SLC1A3: variants seen among roughly 807,000 people sequenced by gnomAD.
SLC1A3 encodes the protein solute carrier family 1 member 3.
Under a neutral mutation model 48.1 loss-of-function variants are expected in SLC1A3, and 21 were observed. The observed-to-expected ratio is 0.44, with a 90% CI of 0.31 to 0.63. The LOEUF (loss-of-function observed/expected upper bound fraction) is 0.63. SLC1A3 is among the 20% of genes least tolerant of loss of function. The probability of loss-of-function intolerance (pLI) is 0.08; values close to 1 mark genes in which losing one functional copy is unlikely to be tolerated. For missense variants in SLC1A3, 546 were observed against 689.0 expected, an observed-to-expected ratio of 0.79 and a Z score of 2.32; for synonymous variants, 239 against 251.4, an observed-to-expected ratio of 0.95 and a Z score of 0.47.
At chr5:36,629,665 CT>C in intron 3 of SLC1A3, 78 bp downstream of exon 3, 1 of 1,248,430 alleles carries the variant, frequency 8.0e-7, no homozygotes, top group Non-Finnish European at 1.2e-6. Context: ...AAAGCCAGTG[CT>C]TTAGGTTTCT....
chr5:36,637,479 T>C (rs958396024), intron 3 of SLC1A3, among the ~76,000 whole-genome samples: 2 of 152,162 alleles, frequency 1.3e-5, no homozygotes, highest in African/African-American at 4.8e-5. Flanking sequence ...GAGCCAGAGA[T>C]TTTGATCAGT....
chr5:36,685,521 C>T (rs926048485), intron 9 of SLC1A3, among the ~76,000 whole-genome samples: 5 of 152,228 alleles, frequency 3.3e-5, no homozygotes, highest in Admixed American at 6.5e-5. Context: ...GGTGAACCAC[C>T]TGCCTTGGCC....
chr5:36,631,442 T>C (rs1740130028), intron 3 of SLC1A3, among the ~76,000 whole-genome samples: 1 of 152,174 alleles, frequency 6.6e-6, no homozygotes, highest in South Asian at 2.1e-4. Context: ...AATACTATGA[T>C]GCAATCCCTT....
chr5:36,612,085 GCACACA>G (rs144428325), intron 2 of SLC1A3, among the ~76,000 whole-genome samples: 306 of 147,970 alleles, frequency 2.1e-3, no homozygotes, highest in Non-Finnish European at 3.1e-3. Flanking sequence ...ACACACACAC[GCACACA>G]CACACACACA....
chr5:36,660,628 A>G (rs537944464), intron 3 of SLC1A3, among the ~76,000 whole-genome samples: 16 of 152,352 alleles, frequency 1.1e-4, no homozygotes, highest in Admixed American at 3.9e-4. Flanking sequence ...AAGCCGACCA[A>G]TTCTAGAGTT....
intron 3 of SLC1A3, among the ~76,000 whole-genome samples, chr5:36,640,883 A>C (rs1740591709): frequency 6.6e-6 from 1 of 151,968 alleles, no homozygotes; most frequent in East Asian, 1.9e-4. Context: ...TTTATAGCAG[A>C]TATTTTATTA....
intron 3 of SLC1A3, among the ~76,000 whole-genome samples, chr5:36,649,931 G>A (rs143144863): frequency 1.2e-3 from 181 of 152,294 alleles, no homozygotes; most frequent in African/African-American, 4.0e-3. Flanking sequence ...ATCACTGTGT[G>A]AGTTTTCCAA....
At chr5:36,654,432 C>T (rs1741208808) in intron 3 of SLC1A3, among the ~76,000 whole-genome samples, 1 of 152,076 alleles carries the variant, frequency 6.6e-6, no homozygotes, top group Admixed American at 6.5e-5. Context: ...TTTACCTTTC[C>T]CCCCATTCGA....
intron 2 of SLC1A3, among the ~76,000 whole-genome samples, chr5:36,628,091 C>T (rs1739983647): frequency 6.6e-6 from 1 of 152,142 alleles, no homozygotes; most frequent in African/African-American, 2.4e-5. Flanking sequence ...TTTTCCAATT[C>T]AACTTTTCTC....
rs1739340983 is a variant in SLC1A3, at chr5:36,614,362, A to G, written c.181+5758A>G. On this transcript the variant is annotated intron_variant, in intron 2 of 9. Coordinates refer to ENST00000265113, the MANE Select transcript of SLC1A3 (RefSeq NM_004172.5). ...TTGGGGAGGCTGGGGGGCAGAAGAT[A>G]CTCACCTGGTTTTGGTTTAGAAGTG... 2.6e-5 allele frequency among the ~76,000 whole-genome samples: 4 copies of G among 152,080 alleles called. No homozygotes were observed. In the South Asian group the frequency reaches 8.3e-4, roughly 32 times the overall value.
intron 6 of SLC1A3, 88 bp downstream of exon 6, chr5:36,677,272 C>G: frequency 8.7e-7 from 1 of 1,151,096 alleles, no homozygotes. Context: ...TGCCACGAGG[C>G]AGGATGGCCA....
chr5:36,644,760 AG>A (rs1740767210), intron 3 of SLC1A3, among the ~76,000 whole-genome samples: 1 of 152,328 alleles, frequency 6.6e-6, no homozygotes, highest in African/African-American at 2.4e-5. Flanking sequence ...TTACTTTCTA[AG>A]ATGAGTAATA....
chr5:36,612,862 C>A (rs184523453), intron 2 of SLC1A3: 3 of 455,790 alleles, frequency 6.6e-6, no homozygotes, highest in Admixed American at 2.4e-5. Context: ...TGCTATAACA[C>A]CCATTCTGGC....
In SLC1A3 at chr5:36,686,457, T is replaced by C. The variant is rs1402454484; in HGVS notation, c.*188T>C. On this transcript the variant is annotated 3_prime_UTR_variant, in exon 10 of 10. Coordinates refer to ENST00000265113, the MANE Select transcript of SLC1A3 (RefSeq NM_004172.5). ...GGGTGGCCAAAGTGTACAATTTTCATCCCACAATTGAAATTTTTAAATCAT... is the reference window on the plus strand; with the variant it reads ...GGGTGGCCAAAGTGTACAATTTTCACCCCACAATTGAAATTTTTAAATCAT... The C allele has an allele frequency of 3.3e-6, 2 of 608,010 alleles. No homozygotes were observed. Among genetic ancestry groups the C allele is most frequent in the Middle Eastern group, 4.4e-4 (1 of 2,292 alleles). The allele number at this position is 608,010 out of a possible 1,614,324, so 37.7% of individuals were successfully genotyped here.
chr5:36,683,442 C>T (rs2111981003), intron 8 of SLC1A3, among the ~76,000 whole-genome samples: 3 of 151,960 alleles, frequency 2.0e-5, no homozygotes, highest in Middle Eastern at 3.4e-3. Flanking sequence ...GGCATGATGG[C>T]TCATGCCGGT....
chr5:36,683,364 A>G (rs1022996906), intron 8 of SLC1A3, among the ~76,000 whole-genome samples: 1 of 152,192 alleles, frequency 6.6e-6, no homozygotes, highest in African/African-American at 2.4e-5. Flanking sequence ...CATAGTAAGC[A>G]CATGATAAAT....
chr5:36,626,032 A>G (rs990499581), intron 2 of SLC1A3, among the ~76,000 whole-genome samples: 1 of 152,194 alleles, frequency 6.6e-6, no homozygotes, highest in East Asian at 1.9e-4. Flanking sequence ...TCATTCACAC[A>G]TTACCCAGAA....
chr5:36,613,932 T>TACCCACAGCACACATGC (rs1554038959), intron 2 of SLC1A3, among the ~76,000 whole-genome samples: 1 of 152,144 alleles, frequency 6.6e-6, no homozygotes, highest in East Asian at 1.9e-4. Flanking sequence ...ATAACACATG[T>TACCCACAGCACACATGC]ACCCACAGCA....
rs1438855798 is a variant in SLC1A3 at position 36,687,236 on chromosome 5, T to G, written c.*967T>G. On this transcript the variant is annotated 3_prime_UTR_variant, in exon 10 of 10. Transcript: ENST00000265113. ...AGAATGTCTCCTGCCACTCCTCAAC[T>G]GATGATAGACTTCGAAAACAGATGA... 3 of 152,146 alleles carry G rather than the reference T, an allele frequency of 2.0e-5. No individual in the cohort carries two copies. Among genetic ancestry groups the G allele is most frequent in the Non-Finnish European group, 4.4e-5 (3 of 68,032 alleles). 9.4% of individuals were successfully genotyped at this position (152,146 alleles called of 1,614,324 possible). A position where few individuals can be genotyped will look rare whatever the true frequency, so the allele number is the denominator to read the frequency against.
Sources: gnomAD v4.1 joint callset for allele counts (sites outside exome capture counted in the v4.1 genomes callset) on GRCh38, gnomAD v4.1.1 for gene constraint, MANE v1.5 for transcripts, NCBI Gene and HGNC (gene_info 2026-07-23, HGNC 2026-07-21) for gene names.